The following TMEM175 variants were observed in gnomAD, a reference collection of about 807,000 sequenced individuals.
The protein encoded by TMEM175 is transmembrane protein 175, also known as endosomal/lysosomal proton channel TMEM175.
A neutral mutation model predicts 36.5 loss-of-function variants in TMEM175; 36 were observed. The ratio of observed to expected loss-of-function variants is 0.99; its 90% CI spans 0.76 to 1.30. TMEM175 has a LOEUF of 1.30. Ranked by LOEUF, TMEM175 falls within the 50% of genes most tolerant of loss-of-function variation. The pLI is 0.00. For missense variants in TMEM175, 705 were observed against 692.8 expected (o/e 1.02, Z -0.20); for synonymous variants, 339 against 313.4 (o/e 1.08, Z -0.86).
chr4:950,422 A>C lies in TMEM175; in HGVS notation c.194A>C (p.Gln65Pro), dbSNP rs34884217. Reference sequence around the variant, plus strand: ...GACAGCAGTGCTCTTGTATTCCAGCAGTTCGACAGAAGTGTACAGAGGCTT... The same window carrying C: ...GACAGCAGTGCTCTTGTATTCCAGCCGTTCGACAGAAGTGTACAGAGGCTT... The part of the protein sequence containing the change: ...VTHTEISPEQ[Q>P]FDRSVQRLLA... The change falls in exon 4 of 11, where the codon CAG becomes CCG. Residue 65 changes from glutamine to proline, a missense_variant and splice_region_variant. Physicochemically the swap from Gln to Pro is moderately conservative, Grantham distance 76 (BLOSUM62 -1). Transcript: ENST00000264771. 147,955 of 1,611,220 alleles carry C rather than the reference A, an allele frequency of 0.092. 7,834 individuals are homozygous for C. Among genetic ancestry groups the C allele is most frequent in the Non-Finnish European group, 0.11 (127,890 of 1,177,358 alleles).
At chr4:950,271 CCAGGACCCTCCCAGGTGCCTCA>C (rs1560487863) in intron 3 of TMEM175, 128 bp from the exon 4 acceptor site, 1 of 637,596 alleles carries the variant, frequency 1.6e-6, no homozygotes, top group Non-Finnish European at 2.8e-6. Context: ...GCTGGGGAGG[CCAGGACCCTCCCAGGTGCCTCA>C]CAGGACCCAC....
intron 1 of TMEM175, among the ~76,000 whole-genome samples, chr4:935,882 T>G (rs914150789): frequency 1.3e-5 from 2 of 152,314 alleles, no homozygotes; most frequent in Middle Eastern, 3.4e-3. Flanking sequence ...TTTTTGTATA[T>G]TTTTTCAACT....
chr4:954,411 GC>G (rs1729356376), intron 8 of TMEM175, among the ~76,000 whole-genome samples: 1 of 152,240 alleles, frequency 6.6e-6, no homozygotes, highest in African/African-American at 2.4e-5. Context: ...AGCTGTTGGT[GC>G]TTGGAGAATG....
At chr4:956,243 A>T (rs1165748373) in intron 10 of TMEM175, 2 of 1,194,138 alleles carry the variant, frequency 1.7e-6, no homozygotes, top group African/African-American at 1.6e-5. Flanking sequence ...CCCTGCCCCA[A>T]CACCAGCCCC....
At chr4:950,005 C>T (rs1728660932) in intron 3 of TMEM175, among the ~76,000 whole-genome samples, 2 of 152,152 alleles carry the variant, frequency 1.3e-5, no homozygotes, top group South Asian at 4.1e-4. Flanking sequence ...TTTTGCCCTC[C>T]TGTCCCCTCC....
At chr4:944,170 G>A (rs1334480331) in intron 1 of TMEM175, among the ~76,000 whole-genome samples, 1 of 152,200 alleles carries the variant, frequency 6.6e-6, no homozygotes, top group Non-Finnish European at 1.5e-5. Context: ...GCTGGTGCCT[G>A]TAATCCCAGC....
At chr4:955,675 G>A in intron 9 of TMEM175, 80 bp from the exon 10 acceptor site, 1 of 1,563,560 alleles carries the variant, frequency 6.4e-7, no homozygotes, top group Non-Finnish European at 8.7e-7. Context: ...CCTCTTCATG[G>A]ATGAGGGCGG....
At chr4:948,002 T>A in intron 2 of TMEM175, 110 bp downstream of exon 2, 6 of 1,609,244 alleles carry the variant, frequency 3.7e-6, no homozygotes, top group Non-Finnish European at 5.1e-6. Context: ...GTCCCCCAGC[T>A]CCTCAGGCAG....
At chr4:951,485 G>C (rs959677426) in intron 5 of TMEM175, among the ~76,000 whole-genome samples, 197 bp from the exon 6 acceptor site, 5 of 152,198 alleles carry the variant, frequency 3.3e-5, no homozygotes, top group African/African-American at 1.2e-4. Flanking sequence ...GGGGCACTGG[G>C]TTGGGCACAG....
chr4:947,631 C>T, intron 1 of TMEM175, 78 bp from the exon 2 acceptor site: 1 of 1,187,118 alleles, frequency 8.4e-7, no homozygotes, highest in African/African-American at 1.5e-5. Flanking sequence ...AGTCCCTGTC[C>T]CTGCACCAGG....
At chr4:934,861 G>A (rs1726618954) in intron 1 of TMEM175, among the ~76,000 whole-genome samples, 1 of 152,194 alleles carries the variant, frequency 6.6e-6, no homozygotes, top group African/African-American at 2.4e-5. Context: ...TTGGACATAG[G>A]AAAAACACTC....
chr4:950,656 G>A, intron 4 of TMEM175, 138 bp downstream of exon 4: 1 of 690,378 alleles, frequency 1.4e-6, no homozygotes, highest in Non-Finnish European at 2.5e-6. Context: ...GGGATGGCAG[G>A]ACTTACCCCA....
chr4:957,843 C>T lies in TMEM175; in HGVS notation c.862C>T (p.Pro288Ser), dbSNP rs779659048. ...TCTCAGCGAAGACAACGTCCCGGAC[C>T]CCAAGGATGTGAAGGAGAGGTTCAG... The part of the protein sequence containing the change: ...LDICEDNVPD[P>S]KDVKERFSGS... Residue 288 changes from proline to serine, a missense_variant, in exon 11 of 11, where the codon CCC (proline) becomes TCC (serine). Physicochemically the swap from Pro to Ser is moderately conservative, Grantham distance 74. Coordinates refer to ENST00000264771, the MANE Select transcript of TMEM175 (RefSeq NM_032326.4). 2 of 1,610,750 alleles carry T rather than the reference C, an allele frequency of 1.2e-6. No individual in the cohort carries two copies. The highest frequency in any genetic ancestry group is 1.3e-5 in the African/African-American group (1 of 74,904).
chr4:948,838 C>T (rs891676120), intron 3 of TMEM175, among the ~76,000 whole-genome samples: 4 of 152,254 alleles, frequency 2.6e-5, no homozygotes, highest in African/African-American at 9.6e-5. Flanking sequence ...GTTGGGCCTC[C>T]AGTCCTGACT....
At chr4:953,049 C>A in intron 7 of TMEM175, 141 bp from the exon 8 acceptor site, 1 of 807,194 alleles carries the variant, frequency 1.2e-6, no homozygotes. Flanking sequence ...GACCCCTGTG[C>A]GCGCGTGCCA....
chr4:949,863 C>T (rs1728644791), intron 3 of TMEM175, among the ~76,000 whole-genome samples: 1 of 152,164 alleles, frequency 6.6e-6, no homozygotes, highest in Non-Finnish European at 1.5e-5. Flanking sequence ...CCCTTTTGTG[C>T]TGTCAACCTG....
rs567224605 is a variant in TMEM175, at chr4:941,317, A to T, written c.-31-6392A>T. On this transcript the variant is annotated intron_variant, in intron 1 of 10. Transcript: ENST00000264771. ...TTTAAACCCAGGAGGCAGAGGTTGC[A>T]ATGAGCCGAGATCGTGCCATTGCAC... Among the ~76,000 whole-genome samples, 77 of 146,310 alleles carry T rather than the reference A, an allele frequency of 5.3e-4. 1 individual carries two copies. Among genetic ancestry groups the T allele is most frequent in the African/African-American group, 1.8e-3 (71 of 40,008 alleles).
intron 9 of TMEM175, 130 bp downstream of exon 9, chr4:955,613 C>T (rs1322770229): frequency 1.4e-5 from 20 of 1,441,644 alleles, no homozygotes; most frequent in Non-Finnish European, 1.9e-5. Flanking sequence ...TCCCCCACTC[C>T]GCCCCTCGGG....
intron 1 of TMEM175, among the ~76,000 whole-genome samples, chr4:940,790 G>A (rs1038041751): frequency 6.6e-6 from 1 of 151,778 alleles, no homozygotes; most frequent in Non-Finnish European, 1.5e-5. Context: ...GGTGGATCAC[G>A]AGGTCAGGAG....
Sources: allele counts gnomAD v4.1 joint callset (sites outside exome capture counted in the v4.1 genomes callset), GRCh38; gene constraint gnomAD v4.1.1; transcripts MANE v1.5; gene names NCBI Gene and HGNC (gene_info 2026-07-23, HGNC 2026-07-21).